The following NHSL1 variants were observed in gnomAD, a reference collection of about 807,000 sequenced individuals.
The protein encoded by NHSL1 is NHS like 1.
NHSL1 carries 48 observed loss-of-function variants against 95.0 expected under a neutral mutation model. The observed-to-expected ratio is 0.51, with a 90% CI of 0.40 to 0.64. NHSL1 has a LOEUF of 0.64. Ranked by LOEUF, NHSL1 falls within the 30% of genes least tolerant of loss-of-function variation. The pLI is 0.00. For synonymous variants in NHSL1, 783 were observed against 833.9 expected (o/e 0.94, Z 1.05); for missense variants, 1,971 against 2,077.7 (o/e 0.95, Z 1.00).
intron 2 of NHSL1, among the ~76,000 whole-genome samples, chr6:138,495,353 T>C (rs966518779): frequency 6.6e-6 from 1 of 152,226 alleles, no homozygotes; most frequent in Non-Finnish European, 1.5e-5. Context: ...CTTGCTCATC[T>C]GCTGGCAGAA....
intron 1 of NHSL1, among the ~76,000 whole-genome samples, chr6:138,544,135 C>G (rs2128326410): frequency 6.6e-6 from 1 of 152,190 alleles, no homozygotes; most frequent in East Asian, 1.9e-4. Flanking sequence ...AAATTGTAAA[C>G]CTTAAGCTAT....
At chr6:138,443,620 C>T (rs545990828) in intron 4 of NHSL1, among the ~76,000 whole-genome samples, 7 of 152,144 alleles carry the variant, frequency 4.6e-5, no homozygotes, top group South Asian at 4.1e-4. Flanking sequence ...TGAACTCAGG[C>T]GTTCAAGACC....
At chr6:138,610,200 A>G (rs550849437) in intron 1 of NHSL1, among the ~76,000 whole-genome samples, 1 of 152,338 alleles carries the variant, frequency 6.6e-6, no homozygotes, top group Non-Finnish European at 1.5e-5. Flanking sequence ...TATGTTAGGC[A>G]TTCAGTAGCA....
intron 1 of NHSL1, among the ~76,000 whole-genome samples, chr6:138,639,560 T>C (rs1333026119): frequency 6.6e-6 from 1 of 151,104 alleles, no homozygotes; most frequent in East Asian, 1.9e-4. Context: ...GAGAATGGCA[T>C]GAACCTGGGA....
At chr6:138,624,911 T>C (rs1346363308) in intron 1 of NHSL1, among the ~76,000 whole-genome samples, 1 of 152,154 alleles carries the variant, frequency 6.6e-6, no homozygotes, top group African/African-American at 2.4e-5. Flanking sequence ...CTGAAGTTCT[T>C]TGCAAGGTCA....
rs1328561175 is a variant in NHSL1 at position 138,540,296 on chromosome 6, G to A, written c.16+5327C>T. Among the ~76,000 whole-genome samples the A allele has an allele frequency of 3.3e-5, 5 of 152,320 alleles. No individual in the cohort carries two copies. In the East Asian group the frequency reaches 9.6e-4, roughly 29 times the overall value. ...GTAAAATGTCCAGAGTCACACAGAT[G>A]CAATATTCCCAGGGTTGCTTTGCAT... On this transcript the variant is annotated intron_variant, in intron 1 of 4. Transcript: ENST00000342260.
chr6:138,424,277 C>T lies in NHSL1; in HGVS notation c.4625G>A (p.Gly1542Glu). 6.7e-7 allele frequency: 1 copy of T among 1,500,746 alleles called. No homozygotes were observed. The highest frequency in any genetic ancestry group is 8.9e-7 in the Non-Finnish European group (1 of 1,122,520). 93.0% of individuals were successfully genotyped at this position (1,500,746 alleles called of 1,614,324 possible). A position where few individuals can be genotyped will look rare whatever the true frequency, so the allele number is the denominator to read the frequency against. ...AVEPVDSIAR[G>E]ALGAAEGCSL... ...ACATCCCTCCGCAGCGCCCAGAGCC[C>T]CGCGGGCTATGCTGTCCACAGGCTC... The change falls in exon 8 of 8, where the codon GGG becomes GAG. Residue 1542 changes from glycine (G) to glutamate (E), a missense_variant. By Grantham distance (98) the Gly-to-Glu change is moderately conservative. This residue lies in a region of NHSL1 where 223 missense variants were observed against 217.0 expected (regional missense o/e 1.03). Transcript: ENST00000343505. The surrounding 1 kb of genome is among the most constrained non-coding windows in gnomAD (Gnocchi z 5.9).
intron 1 of NHSL1, chr6:138,650,496 A>T (rs1221814801): frequency 1.4e-6 from 1 of 738,944 alleles, no homozygotes; most frequent in African/African-American, 1.8e-5. Flanking sequence ...GTCATCCACC[A>T]GGTAGGCACT....
At chr6:138,563,998 G>T (rs543060243) in intron 1 of NHSL1, among the ~76,000 whole-genome samples, 109 of 152,284 alleles carry the variant, frequency 7.2e-4, no homozygotes, top group Middle Eastern at 3.4e-3. Flanking sequence ...ATCAGGCTTG[G>T]CATCGTTAAT....
chr6:138,598,048 C>T (rs1784323601), intron 1 of NHSL1, among the ~76,000 whole-genome samples: 1 of 151,186 alleles, frequency 6.6e-6, no homozygotes, highest in African/African-American at 2.4e-5. Flanking sequence ...TGCTTATAAT[C>T]CCAGCACTCT....
At chr6:138,508,438 G>T (rs768359363) in intron 1 of NHSL1, among the ~76,000 whole-genome samples, 1 of 152,172 alleles carries the variant, frequency 6.6e-6, no homozygotes, top group Admixed American at 6.5e-5. Context: ...GATTTCATAG[G>T]CCCCTAGAAA....
chr6:138,636,046 C>A (rs566673819), intron 1 of NHSL1, among the ~76,000 whole-genome samples: 2 of 150,728 alleles, frequency 1.3e-5, no homozygotes, highest in African/African-American at 2.4e-5. Flanking sequence ...TCACTTGAAC[C>A]CAGGAGGCGA....
At chr6:138,650,497 G>T in intron 1 of NHSL1, 1 of 730,854 alleles carries the variant, frequency 1.4e-6, no homozygotes, top group South Asian at 1.4e-5. Context: ...TCATCCACCA[G>T]GTAGGCACTG....
intron 1 of NHSL1, among the ~76,000 whole-genome samples, chr6:138,640,140 A>G (rs1388998070): frequency 6.6e-6 from 1 of 152,050 alleles, no homozygotes; most frequent in Non-Finnish European, 1.5e-5. Flanking sequence ...AAAAGTATGG[A>G]TTAGTTTTTC....
At chr6:138,433,717 A>G (rs958519476) in intron 5 of NHSL1, 37 bp from the exon 6 acceptor site, 118 of 1,477,212 alleles carry the variant, frequency 8.0e-5, no homozygotes, top group Non-Finnish European at 1.0e-4. Flanking sequence ...TTACCTGAAA[A>G]TAAAATCCAT....
chr6:138,560,341 A>G (rs1237934708), intron 1 of NHSL1, among the ~76,000 whole-genome samples: 1 of 152,218 alleles, frequency 6.6e-6, no homozygotes, highest in Admixed American at 6.5e-5. Context: ...CCAGCTTCAT[A>G]AAGCATCAAT....
intron 1 of NHSL1, among the ~76,000 whole-genome samples, chr6:138,598,608 A>G (rs1435252528): frequency 6.8e-6 from 1 of 147,404 alleles, no homozygotes; most frequent in Non-Finnish European, 1.5e-5. Context: ...TGGACAACAA[A>G]GCAAGACTTC....
intron 1 of NHSL1, among the ~76,000 whole-genome samples, chr6:138,625,296 C>A (rs888813520): frequency 5.3e-5 from 8 of 152,174 alleles, no homozygotes; most frequent in Admixed American, 4.6e-4. Context: ...GTGTGCGCCA[C>A]CACGCCTGAC....
chr6:138,485,472 TG>T (rs1427401836), intron 2 of NHSL1, among the ~76,000 whole-genome samples: 3 of 147,108 alleles, frequency 2.0e-5, no homozygotes, highest in Non-Finnish European at 4.5e-5. Flanking sequence ...AAAAAAGGTA[TG>T]GGGGTGGGGG....
Sources: gnomAD v4.1 joint callset for allele counts (sites outside exome capture counted in the v4.1 genomes callset) on GRCh38, gnomAD v4.1.1 for gene constraint, gnomAD v4.1.1 regional missense constraint, Gnocchi (gnomAD v3.1) non-coding constraint, MANE v1.5 for transcripts, NCBI Gene and HGNC (gene_info 2026-07-23, HGNC 2026-07-21) for gene names.